Variants in SH3RF3 observed in about 807,000 individuals in gnomAD.
The protein encoded by SH3RF3 is SH3 domain containing ring finger 3, also known as E3 ubiquitin-protein ligase SH3RF3.
A neutral mutation model predicts 66.3 loss-of-function variants in SH3RF3; 29 were observed. That is an observed-to-expected ratio of 0.44 (90% CI 0.33 to 0.60). The LOEUF (loss-of-function observed/expected upper bound fraction) is 0.60, where lower values mean the gene tolerates loss of function less well. Among genes scored for constraint, SH3RF3 ranks in the 20% least tolerant of loss-of-function variants. The probability of loss-of-function intolerance (pLI) is 0.04; values close to 1 mark genes in which losing one functional copy is unlikely to be tolerated. For synonymous variants in SH3RF3, 583 were observed against 532.0 expected (o/e 1.10, Z -1.32); for missense variants, 1,194 against 1,190.9 (o/e 1.00, Z -0.04).
At chr2:109,339,304 A>G (rs920395681) in intron 1 of SH3RF3, among the ~76,000 whole-genome samples, 5 of 152,174 alleles carry the variant, frequency 3.3e-5, no homozygotes, top group Non-Finnish European at 7.3e-5. Flanking sequence ...GTAACATGAA[A>G]GTAATGACAT....
chr2:109,340,202 G>A (rs1255848084), intron 1 of SH3RF3, among the ~76,000 whole-genome samples: 3 of 152,062 alleles, frequency 2.0e-5, no homozygotes, highest in East Asian at 1.9e-4. Flanking sequence ...CCTGTCTCTC[G>A]GACCTTGGAC....
intron 1 of SH3RF3, among the ~76,000 whole-genome samples, chr2:109,223,745 T>G (rs1679309121): frequency 6.6e-6 from 1 of 152,204 alleles, no homozygotes; most frequent in African/African-American, 2.4e-5. Flanking sequence ...TGCAGAGCCG[T>G]GGAGGACAGC....
At chr2:109,312,727 T>A (rs1397252811) in intron 1 of SH3RF3, among the ~76,000 whole-genome samples, 1 of 152,270 alleles carries the variant, frequency 6.6e-6, no homozygotes, top group Non-Finnish European at 1.5e-5. Context: ...AGCTGAAGAA[T>A]GTCCCACTGT....
In SH3RF3 at chr2:109,502,657, C is replaced by T. The variant is rs923604821; in HGVS notation, c.*986C>T. 4 of 152,134 alleles carry T rather than the reference C, an allele frequency of 2.6e-5. No homozygotes were observed. Among genetic ancestry groups the T allele is most frequent in the African/African-American group, 4.8e-5 (2 of 41,430 alleles). 9.4% of individuals were successfully genotyped at this position (152,134 alleles called of 1,614,324 possible). ...ACCAAAACCCCGCGCTCTGTCTAGA[C>T]GGTGATGATTATTATTCAAGACCTG... On this transcript the variant is annotated 3_prime_UTR_variant, in exon 10 of 10. Coordinates refer to ENST00000309415, the MANE Select transcript of SH3RF3 (RefSeq NM_001099289.3).
chr2:109,314,880 G>C (rs913088418), intron 1 of SH3RF3, among the ~76,000 whole-genome samples: 1 of 152,228 alleles, frequency 6.6e-6, no homozygotes, highest in Non-Finnish European at 1.5e-5. Context: ...AGTTGGTAGA[G>C]ATTGAAGCAG....
intron 8 of SH3RF3, among the ~76,000 whole-genome samples, chr2:109,489,233 C>T (rs145144286): frequency 0.016 from 2,431 of 152,342 alleles, 23 homozygotes; most frequent in Non-Finnish European, 0.025. Context: ...GGAACAAATG[C>T]TGGTCACCAA....
intron 8 of SH3RF3, among the ~76,000 whole-genome samples, chr2:109,487,085 A>G (rs900804603): frequency 1.3e-5 from 2 of 152,170 alleles, no homozygotes; most frequent in African/African-American, 2.4e-5. Flanking sequence ...GGCAGTCAGG[A>G]AAACGTAACA....
intron 1 of SH3RF3, among the ~76,000 whole-genome samples, chr2:109,250,084 G>T (rs1310639141): frequency 6.8e-6 from 1 of 148,102 alleles, no homozygotes; most frequent in Non-Finnish European, 1.5e-5. Context: ...AAAACAGTAG[G>T]TGTTCCTTTT....
rs190611535 is a variant in SH3RF3 at position 109,218,315 on chromosome 2, A to G, written c.573+88202A>G. On this transcript the variant is annotated intron_variant, in intron 1 of 9. Transcript: ENST00000309415. ...GCCCCCGTTTTTGTGGCTTAGAGGA[A>G]GGTGTGGATTTCTTCTACTTCACCA... Among the ~76,000 whole-genome samples, 723 of 152,304 alleles carry G rather than the reference A, an allele frequency of 4.7e-3. 4 individuals carry two copies. The highest frequency in any genetic ancestry group is 6.0e-3 in the Non-Finnish European group (407 of 68,014).
intron 1 of SH3RF3, among the ~76,000 whole-genome samples, chr2:109,295,031 A>T (rs1681276108): frequency 6.6e-6 from 1 of 152,236 alleles, no homozygotes; most frequent in Non-Finnish European, 1.5e-5. Context: ...CATCGCTATG[A>T]ATTCTCAGGA....
At chr2:109,141,343 C>G (rs755107253) in intron 1 of SH3RF3, 1 of 152,576 alleles carries the variant, frequency 6.6e-6, no homozygotes, top group African/African-American at 2.4e-5. Context: ...CCTCTCGTCT[C>G]TGCCTGGGTC....
intron 1 of SH3RF3, among the ~76,000 whole-genome samples, chr2:109,247,310 G>A (rs1679940362): frequency 6.6e-6 from 1 of 152,142 alleles, no homozygotes; most frequent in Non-Finnish European, 1.5e-5. Flanking sequence ...GCTTTCTTGA[G>A]CCCTTTATCC....
chr2:109,455,005 C>T (rs1284327121), intron 8 of SH3RF3, among the ~76,000 whole-genome samples: 2 of 152,140 alleles, frequency 1.3e-5, no homozygotes, highest in African/African-American at 4.8e-5. Context: ...TTGAAAGAGC[C>T]TCTAAAGATG....
intron 3 of SH3RF3, among the ~76,000 whole-genome samples, chr2:109,398,236 T>C (rs1320547468): frequency 6.6e-6 from 1 of 152,190 alleles, no homozygotes; most frequent in East Asian, 1.9e-4. Context: ...GATATGGGGC[T>C]TCCTTCCCAT....
intron 1 of SH3RF3, among the ~76,000 whole-genome samples, chr2:109,240,771 T>G (rs1421866705): frequency 6.7e-6 from 1 of 148,842 alleles, no homozygotes; most frequent in Non-Finnish European, 1.5e-5. Flanking sequence ...CCTGTCGTCC[T>G]TCTCCTCTCT....
At chr2:109,249,457 T>TTC (rs1003289407) in intron 1 of SH3RF3, among the ~76,000 whole-genome samples, 11 of 147,188 alleles carry the variant, frequency 7.5e-5, no homozygotes, top group African/African-American at 1.0e-4. Flanking sequence ...CTCTCTCTCT[T>TTC]TCTCTCTTTC....
intron 7 of SH3RF3, among the ~76,000 whole-genome samples, chr2:109,447,151 A>T (rs1404051384): frequency 1.5e-4 from 21 of 137,318 alleles, no homozygotes; most frequent in African/African-American, 6.3e-4. Context: ...AATATTTAAA[A>T]AAAAAAAAAA....
At chr2:109,382,529 CTG>C (rs1198381899) in intron 3 of SH3RF3, among the ~76,000 whole-genome samples, 1 of 152,224 alleles carries the variant, frequency 6.6e-6, no homozygotes, top group Non-Finnish European at 1.5e-5. Context: ...CGTCTTGCAG[CTG>C]TGTCCCCAGG....
chr2:109,429,132 C>G (rs774151564), intron 5 of SH3RF3, among the ~76,000 whole-genome samples: 1 of 152,114 alleles, frequency 6.6e-6, no homozygotes, highest in East Asian at 1.9e-4. Context: ...TGGGAAGGGC[C>G]GGTCTCGGCA....
Sources: gnomAD v4.1 joint callset for allele counts (sites outside exome capture counted in the v4.1 genomes callset) on GRCh38, gnomAD v4.1.1 for gene constraint, MANE v1.5 for transcripts, NCBI Gene and HGNC (gene_info 2026-07-23, HGNC 2026-07-21) for gene names.